MROH1: variants seen among roughly 807,000 people sequenced by gnomAD.
The protein encoded by MROH1 is maestro heat-like repeat-containing protein family member 1.
In MROH1, 117 loss-of-function variants were observed where a neutral mutation model predicts 116.5. The ratio of observed to expected loss-of-function variants is 1.00; its 90% CI spans 0.86 to 1.17. The LOEUF is 1.17. Ranked by LOEUF, MROH1 falls within the 50% of genes most tolerant of loss-of-function variation. The probability of loss-of-function intolerance (pLI) is 0.00; values close to 1 mark genes in which losing one functional copy is unlikely to be tolerated. For synonymous variants in MROH1, 921 were observed against 583.9 expected, an observed-to-expected ratio of 1.58 and a Z score of -8.32; for missense variants, 1,873 against 1,338.5, an observed-to-expected ratio of 1.40 and a Z score of -6.23.
In MROH1 at chr8:144,258,873, G is replaced by A. The variant is rs1844427051; in HGVS notation, c.3888G>A (p.Arg1296=). 1 of 767,182 alleles carries A rather than the reference G, an allele frequency of 1.3e-6. No individual in the cohort carries two copies. Among genetic ancestry groups the A allele is most frequent in the South Asian group, 1.4e-5 (1 of 72,406 alleles). 47.5% of individuals were successfully genotyped at this position (767,182 alleles called of 1,614,324 possible). A position where few individuals can be genotyped will look rare whatever the true frequency, so the allele number is the denominator to read the frequency against. The part of the protein sequence containing the change: ...MDLEGGWELL[R]TSAGHEEGAT... ...TGGAGGGAGGCTGGGAACTGCTCAG[G>A]ACCTCGGCGGGGCATGAGGAGGGGG... The change falls in exon 36 of 44, where the codon AGG becomes AGA. Residue 1296 remains arginine (R), a synonymous_variant. Coordinates refer to ENST00000326134, the MANE Select transcript of MROH1 (RefSeq NM_032450.3).
At chr8:144,239,576 C>T (rs2132866585) in intron 17 of MROH1, 38 bp from the exon 18 acceptor site, 1 of 768,978 alleles carries the variant, frequency 1.3e-6, no homozygotes, top group Non-Finnish European at 2.4e-6. Context: ...GACCAGTGCT[C>T]CCTGCTCAGA....
intron 3 of MROH1, 70 bp from the exon 4 acceptor site, chr8:144,168,225 A>C: frequency 2.0e-6 from 3 of 1,471,916 alleles, no homozygotes; most frequent in Non-Finnish European, 2.7e-6. Flanking sequence ...CCACTGCAGG[A>C]GTGGCAGCCG....
rs1353596459 is a variant in MROH1 at position 144,180,098 on chromosome 8, C to T, written c.301-80C>T. The T allele has an allele frequency of 6.4e-7, 1 of 1,559,958 alleles. No individual in the cohort carries two copies. Among genetic ancestry groups the T allele is most frequent in the Non-Finnish European group, 8.8e-7 (1 of 1,140,632 alleles). On this transcript the variant is annotated intron_variant, in intron 5 of 43. Coordinates refer to ENST00000326134, the MANE Select transcript of MROH1 (RefSeq NM_032450.3). The surrounding 1 kb of genome is among the most constrained non-coding windows in gnomAD (Gnocchi z 7.4). ...CTGGGGACGCTGAAAACAGCGTGCG[C>T]TTGTCCAAGGCTGGCAGCGACTGAG...
intron 12 of MROH1, among the ~76,000 whole-genome samples, chr8:144,209,027 T>TTGTGTGTGTGTGTGTGTGTGTGTG (rs71320812): frequency 7.1e-6 from 1 of 141,642 alleles, no homozygotes; most frequent in African/African-American, 2.7e-5. Flanking sequence ...CTCGGCCATT[T>TTGTGTGTGTGTGTGTGTGTGTGTG]TGTGTGTGTG....
At position 144,203,436 on chromosome 8, in the gene MROH1, T is replaced by TGGGAGGGGAGCGCCCCCTC. The variant is rs1832106504; in HGVS notation, c.1141+2896_1141+2914dup. ...GAGCGTCAGCTCTCTGTGGAGGGGT[T>TGGGAGGGGAGCGCCCCCTC]GGGAGGGGAGCGCCCCCTCTGGAGG... On this transcript the variant is annotated intron_variant, in intron 12 of 43. Transcript: ENST00000326134. Among the ~76,000 whole-genome samples, 6 of 91,212 alleles carry TGGGAGGGGAGCGCCCCCTC rather than the reference T, an allele frequency of 6.6e-5. No homozygotes were observed. In the South Asian group the frequency reaches 1.3e-3, roughly 19 times the overall value. The allele number at this position is 91,212 out of a possible 152,430, so 59.8% of individuals were successfully genotyped here.
chr8:144,180,577 T>C lies in MROH1; in HGVS notation c.562+54T>C, dbSNP rs1279842174. 1.3e-6 allele frequency: 2 copies of C among 1,523,414 alleles called. No individual in the cohort carries two copies. The highest frequency in any genetic ancestry group is 9.0e-7 in the Non-Finnish European group (1 of 1,116,428). 94.4% of individuals were successfully genotyped at this position (1,523,414 alleles called of 1,614,324 possible). ...TCAAGTGCCCCTTTGTGGGGGGCTG[T>C]TCCCGGGCATGCCTGTTTTAGGGGG... On this transcript the variant is annotated intron_variant, in intron 7 of 43. Transcript: ENST00000326134. The surrounding 1 kb of genome is among the most constrained non-coding windows in gnomAD (Gnocchi z 7.4).
In MROH1 at chr8:144,188,047, C is replaced by T. The variant is rs557449929; in HGVS notation, c.563-2737C>T. ...CCAAGCATGGAAAGCCAGGGACCGG[C>T]GAGCCTCGCAGGACTGTCGGGAGCA... On this transcript the variant is annotated intron_variant, in intron 7 of 43. Transcript: ENST00000326134. Among the ~76,000 whole-genome samples the T allele has an allele frequency of 3.3e-5, 5 of 152,236 alleles. No homozygotes were observed. In the South Asian group the frequency reaches 8.3e-4, roughly 25 times the overall value.
At chr8:144,190,962 C>T (rs763522409) in intron 8 of MROH1, 27 bp downstream of exon 8, 9 of 1,593,796 alleles carry the variant, frequency 5.6e-6, no homozygotes, top group South Asian at 4.5e-5. Flanking sequence ...CATCAGTCCA[C>T]GCCTGATGCC....
At position 144,209,337 on chromosome 8, in the gene MROH1, T is replaced by C. The variant is rs1014400785; in HGVS notation, c.1141+8796T>C. Among the ~76,000 whole-genome samples the C allele has an allele frequency of 2.2e-4, 33 of 151,738 alleles. 1 individual carries two copies. Among genetic ancestry groups the C allele is most frequent in the African/African-American group, 6.3e-4 (26 of 41,308 alleles). ...CTCAAACGCCTGTAATCCCGGCACT[T>C]TGGGAGGCTGAGGCAGGCGGATCAC... is the stretch of plus-strand genomic sequence containing the variant. On this transcript the variant is annotated intron_variant, in intron 12 of 43. Transcript: ENST00000326134.
At chr8:144,237,632 G>A (rs1457256574) in intron 14 of MROH1, among the ~76,000 whole-genome samples, 3 of 151,918 alleles carry the variant, frequency 2.0e-5, no homozygotes, top group Admixed American at 6.6e-5. Flanking sequence ...TGAAGTCTTC[G>A]GCAGCCTGTT....
At chr8:144,159,283 G>T (rs926145345) in intron 1 of MROH1, among the ~76,000 whole-genome samples, 2 of 152,120 alleles carry the variant, frequency 1.3e-5, no homozygotes, top group Admixed American at 1.3e-4. Flanking sequence ...ACTTAAACCC[G>T]GAAGGCGGAG....
chr8:144,177,714 C>T (rs953969530), intron 4 of MROH1, among the ~76,000 whole-genome samples: 4 of 152,134 alleles, frequency 2.6e-5, no homozygotes, highest in Admixed American at 1.3e-4. Context: ...GGGGCGACTT[C>T]CCCCTTTGAT....
chr8:144,151,514 C>T (rs1816785916), intron 1 of MROH1, among the ~76,000 whole-genome samples: 1 of 152,326 alleles, frequency 6.6e-6, no homozygotes, highest in Admixed American at 6.5e-5. Context: ...CATCTCCTTT[C>T]TGGCTCCCCC....
intron 14 of MROH1, among the ~76,000 whole-genome samples, chr8:144,223,661 A>G (rs894583823): frequency 1.3e-5 from 2 of 152,206 alleles, no homozygotes; most frequent in African/African-American, 4.8e-5. Flanking sequence ...TTACTGTACA[A>G]ATGCCAATTT....
chr8:144,261,703 C>T lies in MROH1; in HGVS notation c.4889C>T (p.Ala1630Val), dbSNP rs1481117154. 2 of 726,420 alleles carry T rather than the reference C, an allele frequency of 2.8e-6. No homozygotes were observed. Among genetic ancestry groups the T allele is most frequent in the East Asian group, 2.6e-5 (1 of 38,384 alleles). 45.0% of individuals were successfully genotyped at this position (726,420 alleles called of 1,614,324 possible). A position where few individuals can be genotyped will look rare whatever the true frequency, so the allele number is the denominator to read the frequency against. The change falls in exon 44 of 44, where the codon GCT becomes GTT. Residue 1630 changes from alanine to valine, a missense_variant. By Grantham distance (64) the Ala-to-Val change is moderately conservative. Coordinates refer to ENST00000326134, the MANE Select transcript of MROH1 (RefSeq NM_032450.3). ...KDPAPEVRTR[A>V]AEALGRLVKL... ...CCGGCCCCCGAGGTGCGGACGAGGG[C>T]TGCTGAGGCCCTGGGCCGCCTGGTG...
At chr8:144,218,134 C>T (rs1835687921) in intron 12 of MROH1, among the ~76,000 whole-genome samples, 1 of 152,188 alleles carries the variant, frequency 6.6e-6, no homozygotes, top group African/African-American at 2.4e-5. Flanking sequence ...CCCCGTCAGC[C>T]CCTATCCTAG....
At chr8:144,169,559 C>T (rs936694340) in intron 4 of MROH1, among the ~76,000 whole-genome samples, 2 of 150,866 alleles carry the variant, frequency 1.3e-5, no homozygotes, top group Non-Finnish European at 2.9e-5. Context: ...TCAAGCGATT[C>T]TCCTGTCTCA....
chr8:144,243,880 GC>G lies in MROH1; in HGVS notation c.2498del (p.Pro833ArgfsTer4). 1 of 780,180 alleles carries G rather than the reference GC, an allele frequency of 1.3e-6. No homozygotes were observed. The highest frequency in any genetic ancestry group is 2.4e-6 in the Non-Finnish European group (1 of 417,636). The allele number at this position is 780,180 out of a possible 1,614,324, so 48.3% of individuals were successfully genotyped here. A position where few individuals can be genotyped will look rare whatever the true frequency, so the allele number is the denominator to read the frequency against. On this transcript the variant is annotated frameshift_variant, in exon 26 of 44. Coordinates refer to ENST00000326134, the MANE Select transcript of MROH1 (RefSeq NM_032450.3). LOFTEE classifies it high-confidence loss of function. ...AQMMEFIRAE[P>X]PDSLRTPIRK... ...TCACCCAGGAGTTCATCAGGGCAGA[GC>G]CCCCGGACTCCTTGAGGACACCTAT... is the stretch of plus-strand genomic sequence containing the variant.
At position 144,239,636 on chromosome 8, in the gene MROH1, T is replaced by A. The variant is rs1840633566; in HGVS notation, c.1655T>A (p.Leu552Gln). The A allele has an allele frequency of 1.7e-5, 13 of 771,114 alleles. No individual in the cohort carries two copies. The South Asian group carries it at 1.8e-4, about 11-fold the overall frequency. The allele number at this position is 771,114 out of a possible 1,614,324, so 47.8% of individuals were successfully genotyped here. The change falls in exon 18 of 44, where the codon CTA becomes CAA. Residue 552 changes from leucine to glutamine, a missense_variant. Transcript: ENST00000326134. ...RLLVVSSSPY[L>Q]GDGRGAAALR... ...CAGGTTGTGTCTTCCAGCCCCTACC[T>A]AGGGGACGGACGTGGGGCAGCGGCG...
Sources: allele counts gnomAD v4.1 joint callset (sites outside exome capture counted in the v4.1 genomes callset), GRCh38; gene constraint gnomAD v4.1.1; non-coding constraint Gnocchi (gnomAD v3.1); transcripts MANE v1.5; gene names NCBI Gene and HGNC (gene_info 2026-07-23, HGNC 2026-07-21).